The following TNRC6B variants were observed in gnomAD, a reference collection of about 807,000 sequenced individuals.
TNRC6B encodes trinucleotide repeat-containing gene 6B protein.
Under a neutral mutation model 203.6 loss-of-function variants are expected in TNRC6B, and 52 were observed. The observed-to-expected ratio is 0.26, with a 90% confidence interval of 0.20 to 0.32. The LOEUF (loss-of-function observed/expected upper bound fraction) is 0.32. Ranked by LOEUF, TNRC6B falls within the 10% of genes least tolerant of loss-of-function variation. The pLI is 1.00. For missense variants in TNRC6B, 1,923 were observed against 2,286.2 expected (o/e 0.84, Z 3.24); for synonymous variants, 838 against 845.7 (o/e 0.99, Z 0.16).
intron 1 of TNRC6B, among the ~76,000 whole-genome samples, chr22:40,059,814 GGT>G (rs1491317969): frequency 2.1e-5 from 3 of 139,720 alleles, no homozygotes; most frequent in African/African-American, 8.9e-5. Context: ...GATAGAGTTT[GGT>G]TTTTTTTTTT....
chr22:40,068,391 C>G lies in TNRC6B; in HGVS notation c.-121+23393C>G, dbSNP rs184441459. Among the ~76,000 whole-genome samples, 205 of 152,160 alleles carry G rather than the reference C, an allele frequency of 1.3e-3. 3 individuals are homozygous for G. The highest frequency in any genetic ancestry group is 8.8e-3 in the Admixed American group (135 of 15,300). On this transcript the variant is annotated intron_variant, in intron 1 of 23. Coordinates refer to the TNRC6B transcript ENST00000301923. ...GGAGTGCAGTGGCGCAATCTCGGGT[C>G]ACTACAACCTCCGCCTCCTGGGTTC...
rs2044008647 is a variant in TNRC6B, at chr22:40,333,977, G to A, written c.*10736G>A. On this transcript the variant is annotated 3_prime_UTR_variant, in exon 23 of 23. Transcript: ENST00000454349. ...GATCTCACTGATCTTGTATAGTGAC[G>A]ACTTCCTTTGAAGGAAGAAGCTTGA... 6.6e-6 allele frequency: 1 copy of A among 152,590 alleles called. No homozygotes were observed. The highest frequency in any genetic ancestry group is 6.6e-5 in the Admixed American group (1 of 15,266). The allele number at this position is 152,590 out of a possible 1,614,324, so 9.5% of individuals were successfully genotyped here. A position where few individuals can be genotyped will look rare whatever the true frequency, so the allele number is the denominator to read the frequency against.
At chr22:40,232,595 T>G (rs944036919) in intron 1 of TNRC6B, among the ~76,000 whole-genome samples, 1 of 152,244 alleles carries the variant, frequency 6.6e-6, no homozygotes, top group African/African-American at 2.4e-5. Flanking sequence ...CTAGAGTATG[T>G]AAAGCATGAG....
At chr22:40,206,338 T>C (rs182603968) in intron 1 of TNRC6B, among the ~76,000 whole-genome samples, 1 of 152,114 alleles carries the variant, frequency 6.6e-6, no homozygotes, top group Admixed American at 6.6e-5. Context: ...TTTTTAAAAG[T>C]ATACCATTAT....
intron 1 of TNRC6B, among the ~76,000 whole-genome samples, chr22:40,067,981 G>C (rs1453396363): frequency 6.6e-6 from 1 of 152,090 alleles, no homozygotes; most frequent in African/African-American, 2.4e-5. Context: ...AATGTCCATA[G>C]AACCAAGTAG....
chr22:40,290,394 C>G (rs1351371539), intron 12 of TNRC6B, among the ~76,000 whole-genome samples: 3 of 152,220 alleles, frequency 2.0e-5, no homozygotes, highest in South Asian at 2.1e-4. Flanking sequence ...GGCTGGTTCT[C>G]TCGCTGAGAA....
chr22:40,289,103 C>T (rs1353604886), intron 12 of TNRC6B, among the ~76,000 whole-genome samples: 1 of 152,118 alleles, frequency 6.6e-6, no homozygotes, highest in Admixed American at 6.6e-5. Flanking sequence ...GCGTGAGCCA[C>T]CGCGCCCAGC....
intron 1 of TNRC6B, among the ~76,000 whole-genome samples, chr22:40,081,749 G>T (rs1301526043): frequency 6.6e-6 from 1 of 152,140 alleles, no homozygotes; most frequent in Non-Finnish European, 1.5e-5. Context: ...CACATAAGTG[G>T]CCCTCAATAC....
chr22:40,251,543 G>GA (rs1454736745), intron 3 of TNRC6B, among the ~76,000 whole-genome samples: 1 of 152,004 alleles, frequency 6.6e-6, no homozygotes, highest in Non-Finnish European at 1.5e-5. Flanking sequence ...ATATGACTGA[G>GA]ACCCCATCTC....
chr22:40,137,982 C>CAA (rs10578847), intron 3 of TNRC6B, among the ~76,000 whole-genome samples: 5 of 109,882 alleles, frequency 4.6e-5, no homozygotes, highest in Admixed American at 8.8e-5. Context: ...GACTGTATCT[C>CAA]AAAAAAAAAA....
intron 10 of TNRC6B, 57 bp from the exon 11 acceptor site, chr22:40,281,062 T>C (rs2070716121): frequency 7.2e-7 from 1 of 1,383,300 alleles, no homozygotes; most frequent in Non-Finnish European, 9.7e-7. Context: ...CTTCTTGCAT[T>C]CTGTTGCTTC....
intron 15 of TNRC6B, among the ~76,000 whole-genome samples, chr22:40,303,354 G>A (rs1220926365): frequency 6.6e-6 from 1 of 151,918 alleles, no homozygotes; most frequent in Non-Finnish European, 1.5e-5. Flanking sequence ...ATGGCTAAAG[G>A]ATCAGAGTTA....
chr22:40,097,107 A>AT (rs1227953545), intron 1 of TNRC6B, among the ~76,000 whole-genome samples: 11 of 152,142 alleles, frequency 7.2e-5, no homozygotes, highest in Non-Finnish European at 1.5e-4. Context: ...CCATCCTTAC[A>AT]TCTCACTGGG....
intron 1 of TNRC6B, among the ~76,000 whole-genome samples, chr22:40,229,412 A>G (rs995540979): frequency 2.0e-5 from 3 of 151,952 alleles, no homozygotes; most frequent in Non-Finnish European, 4.4e-5. Context: ...CTGCCAGGGA[A>G]ATGGGCCATT....
At chr22:40,154,109 G>A (rs1458989000) in intron 3 of TNRC6B, among the ~76,000 whole-genome samples, 1 of 151,736 alleles carries the variant, frequency 6.6e-6, no homozygotes, top group African/African-American at 2.4e-5. Flanking sequence ...TCTGTCCCCC[G>A]AAGTAGCTGG....
At chr22:40,293,190 CTTTTTT>C (rs748230080) in intron 12 of TNRC6B, among the ~76,000 whole-genome samples, 1 of 79,454 alleles carries the variant, frequency 1.3e-5, no homozygotes, top group African/African-American at 4.8e-5. Flanking sequence ...ATATCCTTTT[CTTTTTT>C]TTTTTTTTTT....
chr22:40,158,980 T>C (rs1182480161), intron 4 of TNRC6B, among the ~76,000 whole-genome samples: 1 of 152,106 alleles, frequency 6.6e-6, no homozygotes, highest in Non-Finnish European at 1.5e-5. Flanking sequence ...TTTTTGCGTG[T>C]GTGACAGAGT....
At chr22:40,081,978 A>G (rs552886274) in intron 1 of TNRC6B, among the ~76,000 whole-genome samples, 48 of 152,142 alleles carry the variant, frequency 3.2e-4, no homozygotes, top group Admixed American at 1.2e-3. Flanking sequence ...CAAAGCAACA[A>G]CAACAAAATA....
At position 40,318,351 on chromosome 22, in the gene TNRC6B, TC is replaced by T. The variant is rs1341039224; in HGVS notation, c.4974+2341del. Among the ~76,000 whole-genome samples, 6 of 152,112 alleles carry T rather than the reference TC, an allele frequency of 3.9e-5. No individual in the cohort carries two copies. The Middle Eastern group carries it at 0.01, about 259-fold the overall frequency. On this transcript the variant is annotated intron_variant, in intron 21 of 22. Transcript: ENST00000454349. ...TCACAAGGTCAGGCAATCGAGACCATCCTGGCTAACATGGTGAAACCCCATC... is the reference window on the plus strand; with the variant it reads ...TCACAAGGTCAGGCAATCGAGACCATCTGGCTAACATGGTGAAACCCCATC...
Sources: gnomAD v4.1 joint callset for allele counts (sites outside exome capture counted in the v4.1 genomes callset) on GRCh38, gnomAD v4.1.1 for gene constraint, MANE v1.5 for transcripts, NCBI Gene and HGNC (gene_info 2026-07-23, HGNC 2026-07-21) for gene names.